Variants in ZSCAN30 observed in about 807,000 individuals in gnomAD.
ZSCAN30 encodes zinc finger and SCAN domain containing 30, also known as zinc finger and SCAN domain-containing protein 30.
A neutral mutation model predicts 44.3 loss-of-function variants in ZSCAN30; 37 were observed. That is an observed-to-expected ratio of 0.84 (90% CI 0.64 to 1.10). The LOEUF is 1.10. Ranked by LOEUF, ZSCAN30 falls within the 50% of genes least tolerant of loss-of-function variation. The pLI is 0.00. For synonymous variants in ZSCAN30, 181 were observed against 204.6 expected, an observed-to-expected ratio of 0.88 and a Z score of 0.98; for missense variants, 549 against 582.6, an observed-to-expected ratio of 0.94 and a Z score of 0.59.
At position 35,253,154 on chromosome 18, in the gene ZSCAN30, ATC is replaced by A. The variant is rs2043655605; in HGVS notation, c.*294_*295del. 4 of 240,680 alleles carry A rather than the reference ATC, an allele frequency of 1.7e-5. No individual in the cohort carries two copies. Among genetic ancestry groups the A allele is most frequent in the Middle Eastern group, 2.5e-3 (2 of 814 alleles). 14.9% of individuals were successfully genotyped at this position (240,680 alleles called of 1,614,324 possible). On this transcript the variant is annotated 3_prime_UTR_variant, in exon 4 of 4. Transcript: ENST00000333206. ...TGTGAAGGTGCCCAATGGAAATTATATCTGAGTTGGCAGAGAGTGGAGTGAAG... is the reference window on the plus strand; with the variant it reads ...TGTGAAGGTGCCCAATGGAAATTATATGAGTTGGCAGAGAGTGGAGTGAAG...
intron 1 of ZSCAN30, among the ~76,000 whole-genome samples, chr18:35,264,748 T>A (rs1425355597): frequency 6.6e-6 from 1 of 152,200 alleles, no homozygotes; most frequent in Admixed American, 6.5e-5. Flanking sequence ...CACTATAGTA[T>A]ATGATTACAT....
intron 3 of ZSCAN30, among the ~76,000 whole-genome samples, chr18:35,259,510 C>T (rs969334584): frequency 2.6e-5 from 4 of 152,234 alleles, no homozygotes; most frequent in Admixed American, 6.5e-5. Flanking sequence ...TAGGTCCTCA[C>T]AAGATCATCC....
In ZSCAN30 at chr18:35,253,322, T is replaced by G; in HGVS notation, c.*128A>C. The G allele has an allele frequency of 1.5e-6, 1 of 667,372 alleles. No individual in the cohort carries two copies. The allele number at this position is 667,372 out of a possible 1,614,324, so 41.3% of individuals were successfully genotyped here. On this transcript the variant is annotated 3_prime_UTR_variant, in exon 4 of 4. Transcript: ENST00000333206. ...TAACAAACATCTTTGTGTGCATGTC[T>G]TCTTATAGTACCGAACTGGGAGGGA...
At chr18:35,280,333 AAG>A (rs1034807194) in intron 1 of ZSCAN30, among the ~76,000 whole-genome samples, 7 of 151,820 alleles carry the variant, frequency 4.6e-5, no homozygotes, top group South Asian at 4.2e-4. Context: ...CATTTATAAA[AAG>A]AGAGAGAGAG....
chr18:35,287,546 G>T (rs2044572538), intron 1 of ZSCAN30, among the ~76,000 whole-genome samples: 1 of 132,710 alleles, frequency 7.5e-6, no homozygotes, highest in African/African-American at 2.9e-5. Flanking sequence ...AGAAAGAAAT[G>T]GTACAGAACA....
intron 1 of ZSCAN30, among the ~76,000 whole-genome samples, chr18:35,270,883 C>T (rs1243900143): frequency 6.6e-6 from 1 of 152,216 alleles, no homozygotes; most frequent in African/African-American, 2.4e-5. Flanking sequence ...TTTCTTTCTT[C>T]TGATGGGTTC....
chr18:35,253,174 G>A lies in ZSCAN30; in HGVS notation c.*276C>T, dbSNP rs1202503428. 1 of 281,112 alleles carries A rather than the reference G, an allele frequency of 3.6e-6. No homozygotes were observed. The highest frequency in any genetic ancestry group is 2.2e-5 in the African/African-American group (1 of 45,782). The allele number at this position is 281,112 out of a possible 1,614,324, so 17.4% of individuals were successfully genotyped here. ...ATTATATCTGAGTTGGCAGAGAGTG[G>A]AGTGAAGGGGATATTGATGAGTCTC... is the stretch of plus-strand genomic sequence containing the variant. On this transcript the variant is annotated 3_prime_UTR_variant, in exon 4 of 4. Coordinates refer to ENST00000333206, the MANE Select transcript of ZSCAN30 (RefSeq NM_001112734.4).
rs1184963938 is a variant in ZSCAN30 at position 35,253,795 on chromosome 18, A to G, written c.1140T>C (p.Thr380=). 6 of 1,614,068 alleles carry G rather than the reference A, an allele frequency of 3.7e-6. No homozygotes were observed. In the African/African-American group the frequency reaches 8.0e-5, roughly 22 times the overall value. Residue 380 remains threonine, a synonymous_variant, in exon 4 of 4, where the codon ACT becomes ACC. Transcript: ENST00000333206. The stretch of plus-strand genomic sequence containing the variant: ...CTCCACATTCATAAGGCTTCTCTCC[A>G]GTGTGGATTCTCCGATGCCTGATGA... The part of the protein sequence containing the change: ...SELIRHRRIH[T]GEKPYECGEC...
intron 1 of ZSCAN30, among the ~76,000 whole-genome samples, chr18:35,276,493 T>C (rs2044369610): frequency 6.6e-6 from 1 of 152,194 alleles, no homozygotes; most frequent in Non-Finnish European, 1.5e-5. Flanking sequence ...GTGTGCAGCC[T>C]AGGGACTTGT....
chr18:35,254,716 G>A, intron 3 of ZSCAN30: 1 of 359,968 alleles, frequency 2.8e-6, no homozygotes, highest in South Asian at 2.8e-5. Flanking sequence ...TACGTTTTTA[G>A]GTAATGAGAT....
intron 1 of ZSCAN30, among the ~76,000 whole-genome samples, chr18:35,276,689 C>A (rs1273501432): frequency 6.6e-6 from 1 of 152,224 alleles, no homozygotes; most frequent in African/African-American, 2.4e-5. Context: ...ATATGAAATG[C>A]CTGGCTGTCA....
intron 1 of ZSCAN30, among the ~76,000 whole-genome samples, chr18:35,279,867 C>A (rs1191606182): frequency 6.6e-6 from 1 of 152,080 alleles, no homozygotes; most frequent in East Asian, 1.9e-4. Context: ...CTACACAGAC[C>A]CTATTTTCAA....
At chr18:35,263,157 CT>C in intron 3 of ZSCAN30, 1 of 386,146 alleles carries the variant, frequency 2.6e-6, no homozygotes, top group Admixed American at 3.4e-5. Flanking sequence ...AGGAGGATCA[CT>C]TTAACCCAGG....
Position 35,253,882 on chromosome 18 carries a change from A to G in ZSCAN30, c.1053T>C (p.His351=), listed in dbSNP as rs1024362629. ...SSDLVRHQRI[H]SGEKPYECCE... is the part of the protein sequence containing the mutation. ...AACATTCATAGGGTTTTTCACCACT[A>G]TGAATTCTCTGATGTCTAACAAGGT... is the stretch of plus-strand genomic sequence containing the variant. The change falls in exon 4 of 4, where the codon CAT becomes CAC. Residue 351 remains histidine (H), a synonymous_variant. Transcript: ENST00000333206. 4 of 1,614,118 alleles carry G rather than the reference A, an allele frequency of 2.5e-6. No individual in the cohort carries two copies. Among genetic ancestry groups the G allele is most frequent in the Non-Finnish European group, 3.4e-6 (4 of 1,180,008 alleles).
At chr18:35,268,183 G>T (rs1407003258) in intron 1 of ZSCAN30, 2 of 152,378 alleles carry the variant, frequency 1.3e-5, no homozygotes, top group African/African-American at 4.8e-5. Flanking sequence ...TAGCTGGCCA[G>T]AAACTAGGCC....
intron 3 of ZSCAN30, 83 bp downstream of exon 3, chr18:35,263,430 G>T: frequency 6.4e-7 from 1 of 1,554,296 alleles, no homozygotes; most frequent in Non-Finnish European, 8.8e-7. Context: ...AGCCACAAGT[G>T]GCTGTCGTTA....
Position 35,251,769 on chromosome 18 carries a change from C to G in ZSCAN30, c.*1681G>C, listed in dbSNP as rs2043603989. ...TTAAGTTTCCTGAGGCCTCCCCAGC[C>G]CTGCAGAACTGTCAGTCAATTAAAC... is the stretch of plus-strand genomic sequence containing the variant. On this transcript the variant is annotated 3_prime_UTR_variant, in exon 4 of 4. Coordinates refer to ENST00000333206, the MANE Select transcript of ZSCAN30 (RefSeq NM_001112734.4). The G allele has an allele frequency of 2.6e-5, 4 of 152,238 alleles. No individual in the cohort carries two copies. The South Asian group carries it at 8.2e-4, about 31-fold the overall frequency. The allele number at this position is 152,238 out of a possible 1,614,324, so 9.4% of individuals were successfully genotyped here. A position where few individuals can be genotyped will look rare whatever the true frequency, so the allele number is the denominator to read the frequency against.
rs548351338 is a variant in ZSCAN30, at chr18:35,264,345, C to T, written c.8G>A (p.Gly3Glu). 3.7e-6 allele frequency: 6 copies of T among 1,612,448 alleles called. No homozygotes were observed. The highest frequency in any genetic ancestry group is 1.3e-5 in the African/African-American group (1 of 74,950). MS[G>E]EATVLAYHAP... The stretch of plus-strand genomic sequence containing the variant: ...ATGGTAGGCCAAGACTGTGGCCTCT[C>T]CTGACATTCTGGGCAGAGACAGTCT... Residue 3 changes from glycine to glutamate, a missense_variant, in exon 2 of 4, where the codon GGA becomes GAA. Coordinates refer to ENST00000333206, the MANE Select transcript of ZSCAN30 (RefSeq NM_001112734.4).
chr18:35,265,585 G>A (rs1315162700), intron 1 of ZSCAN30, among the ~76,000 whole-genome samples: 1 of 152,172 alleles, frequency 6.6e-6, no homozygotes, highest in African/African-American at 2.4e-5. Flanking sequence ...TGGTGAAAAT[G>A]TTAGGAAGGG....
Sources: gnomAD v4.1 joint callset for allele counts (sites outside exome capture counted in the v4.1 genomes callset) on GRCh38, gnomAD v4.1.1 for gene constraint, MANE v1.5 for transcripts, NCBI Gene and HGNC (gene_info 2026-07-23, HGNC 2026-07-21) for gene names.